Variants in CCDC91 observed in about 807,000 individuals in gnomAD.
CCDC91 encodes coiled-coil domain-containing protein 91.
A neutral mutation model predicts 63.2 loss-of-function variants in CCDC91; 48 were observed. That is an observed-to-expected ratio of 0.76 (90% CI 0.60 to 0.97). CCDC91 has a LOEUF of 0.97. Ranked by LOEUF, CCDC91 falls within the 50% of genes least tolerant of loss-of-function variation. CCDC91 has a pLI of 0.00. For synonymous variants in CCDC91, 167 were observed against 165.8 expected (o/e 1.01, Z -0.06); for missense variants, 500 against 494.6 (o/e 1.01, Z -0.10).
intron 12 of CCDC91, among the ~76,000 whole-genome samples, chr12:28,522,101 A>C (rs1940745396): frequency 6.6e-6 from 1 of 152,162 alleles, no homozygotes; most frequent in African/African-American, 2.4e-5. Flanking sequence ...TGAGTTAGGG[A>C]GGATTCCCTC....
chr12:28,191,852 A>G lies in CCDC91; in HGVS notation c.-15+1211A>G, dbSNP rs543312296. 2.6e-5 allele frequency among the ~76,000 whole-genome samples: 4 copies of G among 152,348 alleles called. No individual in the cohort carries two copies. The East Asian group carries it at 5.8e-4, about 22-fold the overall frequency. On this transcript the variant is annotated intron_variant, in intron 1 of 12. Transcript: ENST00000536442. ...TGCACCTGCATGGTGTTGGCTAACC[A>G]GTAAACTGTGTGGTAGAGAATTGCC...
At chr12:28,248,421 G>A (rs1945906355) in intron 1 of CCDC91, among the ~76,000 whole-genome samples, 1 of 151,430 alleles carries the variant, frequency 6.6e-6, no homozygotes, top group Admixed American at 6.5e-5. Context: ...AGTCCAGGGA[G>A]TGTATCTAAA....
chr12:28,281,146 G>A (rs1402590533), intron 3 of CCDC91, among the ~76,000 whole-genome samples: 1 of 152,062 alleles, frequency 6.6e-6, no homozygotes, highest in African/African-American at 2.4e-5. Flanking sequence ...ATGCTATTTA[G>A]TCTTAATAAA....
At chr12:28,494,036 A>G (rs1952153815) in intron 12 of CCDC91, among the ~76,000 whole-genome samples, 2 of 151,726 alleles carry the variant, frequency 1.3e-5, no homozygotes, top group African/African-American at 2.4e-5. Context: ...CAAATATACA[A>G]TGTTGAATAA....
chr12:28,298,144 TAAA>T (rs1949667209), intron 3 of CCDC91, among the ~76,000 whole-genome samples: 1 of 151,788 alleles, frequency 6.6e-6, no homozygotes, highest in Non-Finnish European at 1.5e-5. Flanking sequence ...CATTTTATAT[TAAA>T]AATTGGATTT....
intron 12 of CCDC91, among the ~76,000 whole-genome samples, chr12:28,507,794 T>C (rs1339672228): frequency 6.6e-6 from 1 of 151,920 alleles, no homozygotes; most frequent in African/African-American, 2.4e-5. Context: ...GAGATTCATG[T>C]GCAAAAAATT....
In CCDC91 at chr12:28,196,134, A is replaced by T. The variant is rs898307307; in HGVS notation, c.-15+5493A>T. On this transcript the variant is annotated intron_variant, in intron 1 of 12. Coordinates refer to ENST00000536442, the MANE Select transcript of CCDC91 (RefSeq NM_018318.5). ...GAAAACAAAATGAAACAACCTTTCT[A>T]CGTTTATTTGGTCTTTGATTTCTCT... Among the ~76,000 whole-genome samples the T allele has an allele frequency of 2.0e-5, 3 of 149,442 alleles. 1 individual carries two copies. In the South Asian group the frequency reaches 6.3e-4, roughly 32 times the overall value.
chr12:28,436,475 C>T (rs1036530870), intron 8 of CCDC91, among the ~76,000 whole-genome samples: 4 of 151,674 alleles, frequency 2.6e-5, no homozygotes, highest in African/African-American at 7.3e-5. Flanking sequence ...CATAAGTGTA[C>T]ATATCAAATA....
intron 7 of CCDC91, among the ~76,000 whole-genome samples, chr12:28,374,806 C>A (rs1944843792): frequency 6.6e-6 from 1 of 152,146 alleles, no homozygotes; most frequent in Admixed American, 6.6e-5. Context: ...ACTCTGTGTT[C>A]ATACAACTTT....
chr12:28,495,048 C>G (rs1464285966), intron 12 of CCDC91, among the ~76,000 whole-genome samples: 15 of 151,740 alleles, frequency 9.9e-5, no homozygotes. Context: ...ACGTGGTCTT[C>G]TAGGTCTTCA....
chr12:28,475,944 T>C (rs537448708), intron 11 of CCDC91, among the ~76,000 whole-genome samples: 2 of 152,156 alleles, frequency 1.3e-5, no homozygotes, highest in East Asian at 3.9e-4. Flanking sequence ...TTTCTGATTA[T>C]ACAGGCTTGT....
chr12:28,363,876 G>GAAAAAAAAAAAAAAA (rs34997286), intron 7 of CCDC91, among the ~76,000 whole-genome samples: 2 of 52,556 alleles, frequency 3.8e-5, no homozygotes, highest in Non-Finnish European at 6.4e-5. Context: ...GGCTCCATCT[G>GAAAAAAAAAAAAAAA]AAAAAAAAAA....
chr12:28,230,013 T>C (rs1254768115), intron 1 of CCDC91, among the ~76,000 whole-genome samples: 1 of 152,192 alleles, frequency 6.6e-6, no homozygotes, highest in Non-Finnish European at 1.5e-5. Flanking sequence ...CATTATTCAT[T>C]CTTCTCAGAA....
intron 12 of CCDC91, among the ~76,000 whole-genome samples, chr12:28,488,057 C>T (rs574868281): frequency 3.4e-4 from 52 of 151,624 alleles, no homozygotes; most frequent in Admixed American, 6.6e-5. Context: ...GGTTACATAG[C>T]TCTTTCTGTG....
intron 8 of CCDC91, among the ~76,000 whole-genome samples, chr12:28,401,279 C>T (rs2139508014): frequency 6.6e-6 from 1 of 152,184 alleles, no homozygotes; most frequent in East Asian, 1.9e-4. Flanking sequence ...CAAACATGTC[C>T]TTCCTCACAT....
At chr12:28,544,079 A>G (rs549872406) in intron 12 of CCDC91, among the ~76,000 whole-genome samples, 41 of 13,404 alleles carry the variant, frequency 3.1e-3, no homozygotes, top group Non-Finnish European at 7.7e-3. Flanking sequence ...TATTTTTCAA[A>G]CAAAGCATGG....
At chr12:28,319,051 T>C (rs958889470) in intron 6 of CCDC91, among the ~76,000 whole-genome samples, 1 of 152,002 alleles carries the variant, frequency 6.6e-6, no homozygotes, top group Non-Finnish European at 1.5e-5. Flanking sequence ...GAAATATGCA[T>C]CTTAGACTTG....
At chr12:28,508,618 G>A (rs188077284) in intron 12 of CCDC91, among the ~76,000 whole-genome samples, 3 of 151,836 alleles carry the variant, frequency 2.0e-5, no homozygotes, top group Admixed American at 2.0e-4. Context: ...TCCCTGTATA[G>A]CGTTCTTGAC....
At chr12:28,430,433 TC>T (rs1162055547) in intron 8 of CCDC91, among the ~76,000 whole-genome samples, 1 of 152,058 alleles carries the variant, frequency 6.6e-6, no homozygotes, top group Non-Finnish European at 1.5e-5. Context: ...GGAATGGAAA[TC>T]TTATTACTAA....
Sources: allele counts gnomAD v4.1 joint callset (sites outside exome capture counted in the v4.1 genomes callset), GRCh38; gene constraint gnomAD v4.1.1; transcripts MANE v1.5; gene names NCBI Gene and HGNC (gene_info 2026-07-23, HGNC 2026-07-21).